The following CLIC5 variants were observed in gnomAD, a reference collection of about 807,000 sequenced individuals.
The protein encoded by CLIC5 is chloride intracellular channel protein 5.
Under a neutral mutation model 24.7 loss-of-function variants are expected in CLIC5, and 20 were observed. That is an observed-to-expected ratio of 0.81 (90% CI 0.57 to 1.18). The LOEUF is 1.18. Ranked by LOEUF, CLIC5 falls within the 50% of genes most tolerant of loss-of-function variation. The pLI is 0.00. For synonymous variants in CLIC5, 159 were observed against 135.6 expected (o/e 1.17, Z -1.20); for missense variants, 341 against 326.1 (o/e 1.05, Z -0.35).
At chr6:46,024,427 C>G (rs184973679) in intron 1 of CLIC5, among the ~76,000 whole-genome samples, 12 of 152,200 alleles carry the variant, frequency 7.9e-5, no homozygotes, top group East Asian at 1.9e-4. Flanking sequence ...TTTAGAAGAC[C>G]ATTTTTACTT....
intron 6 of CLIC5, among the ~76,000 whole-genome samples, chr6:45,885,846 G>A (rs1216897119): frequency 6.6e-6 from 1 of 152,136 alleles, no homozygotes; most frequent in East Asian, 1.9e-4. Flanking sequence ...TTCCACAGCA[G>A]GAAGCTTCAA....
chr6:46,020,979 C>G (rs1291551630), intron 1 of CLIC5, among the ~76,000 whole-genome samples: 1 of 149,242 alleles, frequency 6.7e-6, no homozygotes, highest in Non-Finnish European at 1.5e-5. Context: ...ATGAATTCTA[C>G]TAAACATTTT....
At chr6:46,128,789 A>T in the CLIC5 span, among the ~76,000 whole-genome samples, 7 of 152,194 alleles carry the variant, frequency 4.6e-5, no homozygotes, top group Non-Finnish European at 8.8e-5. Flanking sequence ...CAGCTCTGAA[A>T]GCCCATGGAT....
chr6:46,080,210 G>T (rs990599841), exon 1 of CLIC5: 4 of 1,551,596 alleles, frequency 2.6e-6, no homozygotes, highest in Non-Finnish European at 3.5e-6. Flanking sequence ...TTTGGATTGT[G>T]TCATAGATGG....
At chr6:45,955,611 T>A (rs994070069) in intron 1 of CLIC5, among the ~76,000 whole-genome samples, 1 of 152,108 alleles carries the variant, frequency 6.6e-6, no homozygotes, top group African/African-American at 2.4e-5. Context: ...TGCTTGAATA[T>A]CTCCACTGAC....
intron 1 of CLIC5, among the ~76,000 whole-genome samples, chr6:46,077,189 A>G (rs561264615): frequency 6.6e-4 from 100 of 152,180 alleles, no homozygotes; most frequent in Non-Finnish European, 1.1e-3. Flanking sequence ...AATGAATGAC[A>G]TATGTTACTT....
chr6:46,111,765 C>T, the CLIC5 span, among the ~76,000 whole-genome samples: 1 of 152,116 alleles, frequency 6.6e-6, no homozygotes, highest in African/African-American at 2.4e-5. Context: ...ATTGTAGCTC[C>T]CACAATTCCC....
At chr6:46,095,837 C>T in the CLIC5 span, among the ~76,000 whole-genome samples, 1 of 152,118 alleles carries the variant, frequency 6.6e-6, no homozygotes, top group East Asian at 1.9e-4. Flanking sequence ...ATCCCAACCC[C>T]TGGTACCATT....
chr6:46,063,490 G>A (rs144698017), intron 1 of CLIC5, among the ~76,000 whole-genome samples: 1 of 152,216 alleles, frequency 6.6e-6, no homozygotes, highest in African/African-American at 2.4e-5. Context: ...AGTTCGGGAA[G>A]GTCAAGGCAG....
intron 1 of CLIC5, among the ~76,000 whole-genome samples, chr6:45,957,998 G>C (rs1014530466): frequency 1.3e-5 from 2 of 152,112 alleles, no homozygotes; most frequent in African/African-American, 4.8e-5. Context: ...AGTGTCCTAG[G>C]TTGAATCATG....
chr6:45,903,522 A>C (rs1762566224), intron 5 of CLIC5, among the ~76,000 whole-genome samples: 1 of 152,228 alleles, frequency 6.6e-6, no homozygotes, highest in Non-Finnish European at 1.5e-5. Context: ...ATGGATGGAT[A>C]TAAAGATTTA....
intron 2 of CLIC5, among the ~76,000 whole-genome samples, chr6:45,950,920 G>A (rs956068703): frequency 1.3e-5 from 2 of 151,930 alleles, no homozygotes; most frequent in South Asian, 2.1e-4. Context: ...AATCTCCTAG[G>A]AGTCAGAAAT....
intron 3 of CLIC5, among the ~76,000 whole-genome samples, chr6:45,945,561 C>T (rs1277655021): frequency 6.6e-6 from 1 of 152,120 alleles, no homozygotes; most frequent in East Asian, 1.9e-4. Context: ...AGAGGGCCAC[C>T]CTACCCTCTC....
At position 45,922,833 on chromosome 6, in the gene CLIC5, GAT is replaced by G. The variant is rs1491267967; in HGVS notation, c.407-8426_407-8425del. 2.8e-4 allele frequency among the ~76,000 whole-genome samples: 40 copies of G among 145,152 alleles called. 2 individuals are homozygous for G. The highest frequency in any genetic ancestry group is 6.1e-4 in the African/African-American group (23 of 37,538). On this transcript the variant is annotated intron_variant, in intron 4 of 5. Coordinates refer to ENST00000339561, the MANE Select transcript of CLIC5 (RefSeq NM_016929.5). ...AGAGAGAGAGAGAGAAAGAGAGAGAGATAGAGAGAGAGAGAGAGAGAGAGACT... is the reference window on the plus strand; with the variant it reads ...AGAGAGAGAGAGAGAAAGAGAGAGAGAGAGAGAGAGAGAGAGAGAGAGACT...
At chr6:46,110,060 C>A in the CLIC5 span, among the ~76,000 whole-genome samples, 13 of 152,096 alleles carry the variant, frequency 8.5e-5, no homozygotes, top group Non-Finnish European at 1.6e-4. Context: ...GACTTGCTGG[C>A]TCCTTGCTCC....
At chr6:46,091,233 T>C in the CLIC5 span, among the ~76,000 whole-genome samples, 1 of 152,194 alleles carries the variant, frequency 6.6e-6, no homozygotes, top group African/African-American at 2.4e-5. Flanking sequence ...TTTTGCATCT[T>C]TGACCAACAT....
intron 1 of CLIC5, among the ~76,000 whole-genome samples, chr6:46,059,757 G>A (rs1228341795): frequency 6.6e-6 from 1 of 152,230 alleles, no homozygotes; most frequent in Non-Finnish European, 1.5e-5. Context: ...TGCACTCAGA[G>A]CTGCATGCCC....
Position 45,902,992 on chromosome 6 carries a change from C to A in CLIC5, c.*96G>T. 2 of 1,309,018 alleles carry A rather than the reference C, an allele frequency of 1.5e-6. No homozygotes were observed. Among genetic ancestry groups the A allele is most frequent in the Non-Finnish European group, 2.1e-6 (2 of 930,666 alleles). 81.1% of individuals were successfully genotyped at this position (1,309,018 alleles called of 1,614,324 possible). A position where few individuals can be genotyped will look rare whatever the true frequency, so the allele number is the denominator to read the frequency against. The stretch of plus-strand genomic sequence containing the variant: ...AGATGAGGCTTGATTATAAAAAGTG[C>A]GCCTCAAGGCAGTGATACAGAGGAG... On this transcript the variant is annotated 3_prime_UTR_variant, in exon 6 of 6. Coordinates refer to ENST00000339561, the MANE Select transcript of CLIC5 (RefSeq NM_016929.5).
intron 1 of CLIC5, among the ~76,000 whole-genome samples, chr6:45,994,608 T>TA (rs1419154535): frequency 6.6e-6 from 1 of 151,922 alleles, no homozygotes; most frequent in East Asian, 1.9e-4. Context: ...TCCCGGGACT[T>TA]AAAGTAAAAA....
Sources: gnomAD v4.1 joint callset for allele counts (sites outside exome capture counted in the v4.1 genomes callset) on GRCh38, gnomAD v4.1.1 for gene constraint, MANE v1.5 for transcripts, NCBI Gene and HGNC (gene_info 2026-07-23, HGNC 2026-07-21) for gene names.